Variants in TANC1 observed in about 807,000 individuals in gnomAD.
TANC1 encodes the protein protein TANC1.
TANC1 carries 77 observed loss-of-function variants against 149.7 expected under a neutral mutation model. That is an observed-to-expected ratio of 0.51 (90% CI 0.43 to 0.62). TANC1 has a LOEUF of 0.62. TANC1 is among the 20% of genes least tolerant of loss of function. The pLI is 0.00. For synonymous variants in TANC1, 854 were observed against 925.0 expected (o/e 0.92, Z 1.39); for missense variants, 1,985 against 2,321.8 (o/e 0.85, Z 2.98).
At chr2:159,046,756 AGGCCT>A (rs147605562) in intron 2 of TANC1, among the ~76,000 whole-genome samples, 4,184 of 151,606 alleles carry the variant, frequency 0.028, 106 homozygotes, top group South Asian at 0.078. Flanking sequence ...GCGAGGCACC[AGGCCT>A]GGCTAATTTT....
At chr2:159,116,864 C>T (rs760364584) in intron 4 of TANC1, among the ~76,000 whole-genome samples, 12 of 152,228 alleles carry the variant, frequency 7.9e-5, no homozygotes, top group South Asian at 2.1e-4. Context: ...GTTGATGGAG[C>T]GCCCCAAGAG....
rs567162107 is a variant in TANC1 at position 159,224,659 on chromosome 2, C to T, written c.3811+295C>T. 53 of 330,548 alleles carry T rather than the reference C, an allele frequency of 1.6e-4. 2 individuals carry two copies. In the South Asian group the frequency reaches 2.4e-3, roughly 15 times the overall value. 20.5% of individuals were successfully genotyped at this position (330,548 alleles called of 1,614,324 possible). On this transcript the variant is annotated intron_variant, in intron 23 of 26. Transcript: ENST00000263635. ...ACAGCCTCTTGCTGTGGGGTGGGGC[C>T]GGGTAGTGCTGCTGAAAGCTCCCCC...
intron 2 of TANC1, among the ~76,000 whole-genome samples, chr2:159,011,752 A>C (rs925167994): frequency 1.3e-5 from 2 of 152,112 alleles, no homozygotes; most frequent in Admixed American, 1.3e-4. Context: ...TTTGACTTAC[A>C]TTTTTAAAAA....
At chr2:159,125,651 G>A (rs1029586954) in intron 4 of TANC1, among the ~76,000 whole-genome samples, 13 of 149,904 alleles carry the variant, frequency 8.7e-5, no homozygotes, top group African/African-American at 2.7e-4. Flanking sequence ...GTGCAGTGTC[G>A]TGATCTCGGC....
chr2:159,207,294 A>C (rs1318098982), intron 19 of TANC1, among the ~76,000 whole-genome samples: 1 of 152,252 alleles, frequency 6.6e-6, no homozygotes, highest in African/African-American at 2.4e-5. Flanking sequence ...GCAGTTCCTC[A>C]GAAAAAGAGA....
intron 7 of TANC1, among the ~76,000 whole-genome samples, chr2:159,152,968 C>A (rs1363749641): frequency 1.3e-5 from 2 of 150,894 alleles, no homozygotes; most frequent in African/African-American, 4.9e-5. Context: ...TACAGCCCTA[C>A]CCAGTAGCTG....
At chr2:159,085,818 T>A (rs938341956) in intron 3 of TANC1, among the ~76,000 whole-genome samples, 1 of 152,120 alleles carries the variant, frequency 6.6e-6, no homozygotes, top group African/African-American at 2.4e-5. Flanking sequence ...AGGCCCCACC[T>A]AGTGCGGATT....
At chr2:158,997,998 C>T (rs1338687633) in intron 1 of TANC1, among the ~76,000 whole-genome samples, 1 of 152,190 alleles carries the variant, frequency 6.6e-6, no homozygotes, top group Non-Finnish European at 1.5e-5. Context: ...CAGCAGTAAA[C>T]CATGTTCAAA....
intron 18 of TANC1, among the ~76,000 whole-genome samples, chr2:159,197,442 C>G (rs1308588235): frequency 1.3e-5 from 2 of 152,160 alleles, no homozygotes; most frequent in Non-Finnish European, 2.9e-5. Flanking sequence ...GAATTATCTT[C>G]AAGCAATTAG....
At chr2:159,061,042 C>T (rs1378271787) in intron 2 of TANC1, among the ~76,000 whole-genome samples, 1 of 152,180 alleles carries the variant, frequency 6.6e-6, no homozygotes, top group East Asian at 1.9e-4. Flanking sequence ...GTCTATTTAA[C>T]TTCTGGGGGG....
intron 2 of TANC1, among the ~76,000 whole-genome samples, chr2:159,002,217 T>A (rs6727532): frequency 0.063 from 9,631 of 152,012 alleles, 468 homozygotes; most frequent in East Asian, 0.16. Flanking sequence ...TGGACATGAG[T>A]TCAGCCTGGG....
At chr2:159,126,525 T>C (rs1029550424) in intron 4 of TANC1, among the ~76,000 whole-genome samples, 1 of 152,232 alleles carries the variant, frequency 6.6e-6, no homozygotes, top group African/African-American at 2.4e-5. Context: ...ACAAAGTCAG[T>C]AATTTAACCA....
intron 2 of TANC1, among the ~76,000 whole-genome samples, chr2:159,015,268 T>G (rs1404544630): frequency 2.0e-5 from 3 of 152,222 alleles, no homozygotes; most frequent in African/African-American, 4.8e-5. Flanking sequence ...GGCTTGGGGC[T>G]TATACCCTCT....
intron 1 of TANC1, among the ~76,000 whole-genome samples, chr2:158,969,444 G>T (rs186158415): frequency 5.3e-4 from 80 of 152,326 alleles, no homozygotes; most frequent in Admixed American, 5.1e-3. Flanking sequence ...GACGTTGGGG[G>T]TTTTTCTTTA....
intron 3 of TANC1, among the ~76,000 whole-genome samples, chr2:159,096,730 A>G (rs1307264878): frequency 3.9e-5 from 6 of 152,210 alleles, no homozygotes; most frequent in Non-Finnish European, 7.3e-5. Flanking sequence ...ACAGGTAACT[A>G]AAGGTGACTT....
At chr2:158,996,383 G>A (rs1488112562) in intron 1 of TANC1, among the ~76,000 whole-genome samples, 1 of 152,136 alleles carries the variant, frequency 6.6e-6, no homozygotes, top group Admixed American at 6.5e-5. Flanking sequence ...CTTGGTATAT[G>A]CCTTCCTTAA....
At chr2:159,033,946 AAAAAAC>A (rs1191163216) in intron 2 of TANC1, among the ~76,000 whole-genome samples, 46 of 152,212 alleles carry the variant, frequency 3.0e-4, no homozygotes, top group Non-Finnish European at 2.4e-4. Flanking sequence ...GATCCTCAGT[AAAAAAC>A]AAAAACAAAA....
intron 17 of TANC1, among the ~76,000 whole-genome samples, chr2:159,195,026 A>G (rs2057744437): frequency 6.6e-6 from 1 of 152,182 alleles, no homozygotes; most frequent in South Asian, 2.1e-4. Context: ...TATCTGTAAA[A>G]TGGGCATAAC....
At chr2:159,181,484 A>AGACGGGGTTT (rs1214497857) in intron 14 of TANC1, among the ~76,000 whole-genome samples, 17 of 152,188 alleles carry the variant, frequency 1.1e-4, no homozygotes, top group African/African-American at 3.6e-4. Context: ...TTTTTAGTAG[A>AGACGGGGTTT]GACGGGGTTT....
Sources: allele counts gnomAD v4.1 joint callset (sites outside exome capture counted in the v4.1 genomes callset), GRCh38; gene constraint gnomAD v4.1.1; transcripts MANE v1.5; gene names NCBI Gene and HGNC (gene_info 2026-07-23, HGNC 2026-07-21).